The following RNF212B variants were observed in gnomAD, a reference collection of about 807,000 sequenced individuals.
RNF212B encodes E3 ubiquitin-protein ligase RNF212B.
A neutral mutation model predicts 55.5 loss-of-function variants in RNF212B; 52 were observed. The ratio of observed to expected loss-of-function variants is 0.94; its 90% confidence interval spans 0.75 to 1.18. The LOEUF (loss-of-function observed/expected upper bound fraction) is 1.18. RNF212B is among the 50% of genes most tolerant of loss of function. The probability of loss-of-function intolerance (pLI) is 0.00; values close to 1 mark genes in which losing one functional copy is unlikely to be tolerated. For missense variants in RNF212B, 289 were observed against 350.4 expected (o/e 0.82, Z 1.40); for synonymous variants, 99 against 121.4 (o/e 0.82, Z 1.21).
intron 7 of RNF212B, among the ~76,000 whole-genome samples, chr14:23,261,515 C>T (rs186770521): frequency 1.2e-3 from 182 of 152,260 alleles, no homozygotes; most frequent in African/African-American, 4.0e-3. Context: ...CAGTCATTTC[C>T]TCTGTGAAGA....
intron 2 of RNF212B, among the ~76,000 whole-genome samples, chr14:23,240,740 A>G (rs757765815): frequency 2.0e-5 from 3 of 152,226 alleles, no homozygotes; most frequent in Non-Finnish European, 2.9e-5. Flanking sequence ...CAGGGAAAAG[A>G]GATAGAATAA....
Position 23,208,599 on chromosome 14 carries a change from C to T in RNF212B, c.-2+15198C>T, listed in dbSNP as rs376169343. On this transcript the variant is annotated intron_variant, in intron 2 of 15. Transcript: ENST00000399910. ...GCACAGTATTGTTACAGGAAAGGGG[C>T]CCAGACCCAGACCCCAAGAGAGAGT... is the stretch of plus-strand genomic sequence containing the variant. Among the ~76,000 whole-genome samples the T allele has an allele frequency of 5.7e-4, 87 of 152,022 alleles. 1 individual carries two copies. Among genetic ancestry groups the T allele is most frequent in the African/African-American group, 1.7e-3 (69 of 41,432 alleles).
intron 7 of RNF212B, among the ~76,000 whole-genome samples, chr14:23,261,148 A>C (rs1251817554): frequency 2.6e-5 from 4 of 152,226 alleles, no homozygotes; most frequent in Non-Finnish European, 5.9e-5. Context: ...CTTAGAACTT[A>C]TGAAAAGGGG....
intron 2 of RNF212B, among the ~76,000 whole-genome samples, chr14:23,220,009 C>T (rs954303961): frequency 2.4e-4 from 37 of 151,754 alleles, no homozygotes; most frequent in African/African-American, 8.7e-4. Context: ...CATGGTGAAA[C>T]TCCATCTCTA....
chr14:23,219,162 A>G (rs1881341273), intron 2 of RNF212B, among the ~76,000 whole-genome samples: 1 of 152,238 alleles, frequency 6.6e-6, no homozygotes, highest in Admixed American at 6.5e-5. Flanking sequence ...TTTCATTAAC[A>G]CCAGAACTGT....
chr14:23,228,872 A>G (rs1882276213), intron 2 of RNF212B, among the ~76,000 whole-genome samples: 1 of 152,088 alleles, frequency 6.6e-6, no homozygotes. Flanking sequence ...GGTAAAATAT[A>G]TAACATAAAA....
At chr14:23,233,016 G>A (rs1318068444), upstream of RNF212B, among the ~76,000 whole-genome samples, 1 of 152,254 alleles carries the variant, frequency 6.6e-6, no homozygotes, top group Non-Finnish European at 1.5e-5. Flanking sequence ...TGCTGTGTCT[G>A]TGTAGAAAGA....
intron 2 of RNF212B, among the ~76,000 whole-genome samples, chr14:23,220,015 C>T (rs546912352): frequency 6.6e-6 from 1 of 151,858 alleles, no homozygotes; most frequent in East Asian, 2.0e-4. Flanking sequence ...GAAACTCCAT[C>T]TCTACCAAAA....
intron 1 of RNF212B, among the ~76,000 whole-genome samples, chr14:23,239,749 G>C (rs1883418694): frequency 6.6e-6 from 1 of 151,960 alleles, no homozygotes; most frequent in African/African-American, 2.4e-5. Context: ...CTCCTGATTA[G>C]CTGGGATTAC....
chr14:23,214,764 C>T (rs1017505856), intron 2 of RNF212B, among the ~76,000 whole-genome samples: 9 of 151,426 alleles, frequency 5.9e-5, no homozygotes, highest in Non-Finnish European at 1.0e-4. Context: ...ATTGTAGTCC[C>T]AGAAAAAGAG....
At chr14:23,266,372 T>G (rs1377120592) in intron 11 of RNF212B, among the ~76,000 whole-genome samples, 5 of 151,730 alleles carry the variant, frequency 3.3e-5, no homozygotes, top group African/African-American at 7.3e-5. Context: ...TGTTATTGAT[T>G]TTGACTTTCA....
At chr14:23,266,559 G>A (rs975135137) in intron 11 of RNF212B, among the ~76,000 whole-genome samples, 1 of 151,414 alleles carries the variant, frequency 6.6e-6, no homozygotes, top group Non-Finnish European at 1.5e-5. Flanking sequence ...TTACAGGCAT[G>A]CACCACCACC....
intron 2 of RNF212B, among the ~76,000 whole-genome samples, chr14:23,219,791 T>A (rs111371651): frequency 0.021 from 3,263 of 152,148 alleles, 108 homozygotes; most frequent in African/African-American, 0.073. Context: ...TTTCTTTTAG[T>A]GTGTTTGTTT....
At chr14:23,222,543 T>C (rs1881659075) in intron 2 of RNF212B, among the ~76,000 whole-genome samples, 1 of 152,178 alleles carries the variant, frequency 6.6e-6, no homozygotes, top group Admixed American at 6.5e-5. Context: ...CATTGCTGAA[T>C]TCTACCAAAC....
intron 11 of RNF212B, among the ~76,000 whole-genome samples, chr14:23,265,454 C>T (rs1885619553): frequency 6.6e-6 from 1 of 152,184 alleles, no homozygotes; most frequent in African/African-American, 2.4e-5. Context: ...TTACCATTTT[C>T]AAGGGCATTA....
chr14:23,232,788 G>C lies in RNF212B; in HGVS notation c.-1-7557G>C, dbSNP rs556679389. On this transcript the variant is annotated intron_variant, in intron 2 of 15. Coordinates refer to the RNF212B transcript ENST00000399910. ...CCGCCCCGTCTGGGAGGGAGGTGGG[G>C]GGGGGGTCAGCCTCTGCCCGGCCGC... is the stretch of plus-strand genomic sequence containing the variant. 2.4e-4 allele frequency among the ~76,000 whole-genome samples: 36 copies of C among 148,000 alleles called. 1 individual carries two copies. The highest frequency in any genetic ancestry group is 3.5e-4 in the Non-Finnish European group (23 of 66,196).
chr14:23,222,177 A>T (rs912807647), intron 2 of RNF212B, among the ~76,000 whole-genome samples: 1 of 152,094 alleles, frequency 6.6e-6, no homozygotes, highest in Non-Finnish European at 1.5e-5. Flanking sequence ...AGAAAACAAT[A>T]CAACAGGTCA....
intron 2 of RNF212B, among the ~76,000 whole-genome samples, chr14:23,213,243 G>T (rs1880723169): frequency 6.6e-6 from 1 of 151,906 alleles, no homozygotes; most frequent in Non-Finnish European, 1.5e-5. Context: ...AACCCGTGAG[G>T]CGGAGCTTGC....
In RNF212B at chr14:23,258,623, A is replaced by G; in HGVS notation, c.303A>G (p.Thr101=). 6.5e-7 allele frequency: 1 copy of G among 1,544,894 alleles called. No homozygotes were observed. The highest frequency in any genetic ancestry group is 8.7e-7 in the Non-Finnish European group (1 of 1,143,946). ...AGCATAGAATTACAAAGTTAGAAACAGCCATGCAGGAGGCACAGCAAGCAC... is the reference window on the plus strand; with the variant it reads ...AGCATAGAATTACAAAGTTAGAAACGGCCATGCAGGAGGCACAGCAAGCAC... ...FYKHRITKLE[T]AMQEAQQALV... Residue 101 remains threonine (T), a synonymous_variant, in exon 5 of 15, where the codon ACA becomes ACG. Coordinates refer to ENST00000430154, the MANE Select transcript of RNF212B (RefSeq NM_001282322.3).
Sources: gnomAD v4.1 joint callset for allele counts (sites outside exome capture counted in the v4.1 genomes callset) on GRCh38, gnomAD v4.1.1 for gene constraint, MANE v1.5 for transcripts, NCBI Gene and HGNC (gene_info 2026-07-23, HGNC 2026-07-21) for gene names.